Variants in GRM7 observed in about 807,000 individuals in gnomAD.
GRM7 encodes metabotropic glutamate receptor 7.
Under a neutral mutation model 84.5 loss-of-function variants are expected in GRM7, and 35 were observed. The ratio of observed to expected loss-of-function variants is 0.41; its 90% CI spans 0.32 to 0.55. GRM7 has a LOEUF of 0.55. Ranked by LOEUF, GRM7 falls within the 20% of genes least tolerant of loss-of-function variation. The probability of loss-of-function intolerance (pLI) is 0.19; values close to 1 mark genes in which losing one functional copy is unlikely to be tolerated. For missense variants in GRM7, 1,003 were observed against 1,194.6 expected, an observed-to-expected ratio of 0.84 and a Z score of 2.36; for synonymous variants, 487 against 455.1, an observed-to-expected ratio of 1.07 and a Z score of -0.89.
chr3:7,031,665 A>AT (rs918296209), intron 1 of GRM7, among the ~76,000 whole-genome samples: 44 of 151,880 alleles, frequency 2.9e-4, no homozygotes, highest in African/African-American at 7.0e-4. Flanking sequence ...CTCCAGATAC[A>AT]TTTTTTTTAT....
chr3:7,067,498 A>G lies in GRM7; in HGVS notation c.520-78954A>G, dbSNP rs150238246. Among the ~76,000 whole-genome samples, 49 of 152,204 alleles carry G rather than the reference A, an allele frequency of 3.2e-4. No individual in the cohort carries two copies. The East Asian group carries it at 8.9e-3, about 28-fold the overall frequency. ...TTGAAAGACCTCTACAAGGAAAACT[A>G]CAAAGCACTGCTGAAAGAAATCACA... On this transcript the variant is annotated intron_variant, in intron 1 of 9. Coordinates refer to ENST00000357716, the MANE Select transcript of GRM7 (RefSeq NM_000844.4).
chr3:7,129,090 G>A (rs1411432342), intron 1 of GRM7, among the ~76,000 whole-genome samples: 1 of 152,144 alleles, frequency 6.6e-6, no homozygotes, highest in Non-Finnish European at 1.5e-5. Flanking sequence ...TGTTAGGAGT[G>A]CACCAATTTA....
At chr3:7,495,648 A>G (rs1266990054) in intron 7 of GRM7, among the ~76,000 whole-genome samples, 1 of 152,116 alleles carries the variant, frequency 6.6e-6, no homozygotes, top group East Asian at 1.9e-4. Context: ...CTTATTTCTG[A>G]TGTGATTCCC....
Position 7,579,054 on chromosome 3 carries a change from G to T in GRM7, c.2148G>T (p.Gly716=). ...TSSLISVQLL[G]VFIWFGVDPP... ...GTTTAATATCAGTTCAGCTTCTAGGGGTGTTCATTTGGTTTGGTGTTGATC... is the reference window on the plus strand; with the variant it reads ...GTTTAATATCAGTTCAGCTTCTAGGTGTGTTCATTTGGTTTGGTGTTGATC... Residue 716 remains glycine, a synonymous_variant, in exon 8 of 10, where the codon GGG becomes GGT. Coordinates refer to ENST00000357716, the MANE Select transcript of GRM7 (RefSeq NM_000844.4). 2 of 1,613,954 alleles carry T rather than the reference G, an allele frequency of 1.2e-6. No individual in the cohort carries two copies. The highest frequency in any genetic ancestry group is 8.5e-7 in the Non-Finnish European group (1 of 1,180,000).
intron 1 of GRM7, among the ~76,000 whole-genome samples, chr3:7,069,628 C>G (rs1697791215): frequency 6.6e-6 from 1 of 152,020 alleles, no homozygotes; most frequent in Non-Finnish European, 1.5e-5. Flanking sequence ...AGAAAGTGTT[C>G]ATTGGCTTGG....
chr3:6,879,592 A>G (rs1272966776), intron 1 of GRM7, among the ~76,000 whole-genome samples: 1 of 152,158 alleles, frequency 6.6e-6, no homozygotes, highest in Non-Finnish European at 1.5e-5. Flanking sequence ...AAATATTACC[A>G]TTTTTTAAAA....
intron 2 of GRM7, among the ~76,000 whole-genome samples, chr3:7,295,773 C>T (rs1699793016): frequency 6.6e-6 from 1 of 151,848 alleles, no homozygotes; most frequent in Admixed American, 6.6e-5. Flanking sequence ...GAGTTCATAT[C>T]CTGCAACCTT....
At chr3:7,721,641 A>C (rs1701952940) in intron 9 of GRM7, among the ~76,000 whole-genome samples, 1 of 152,332 alleles carries the variant, frequency 6.6e-6, no homozygotes, top group East Asian at 1.9e-4. Flanking sequence ...CAAAATGAAT[A>C]AAATATATAA....
intron 1 of GRM7, among the ~76,000 whole-genome samples, chr3:6,970,041 A>G (rs1359075113): frequency 6.6e-6 from 1 of 152,182 alleles, no homozygotes; most frequent in Non-Finnish European, 1.5e-5. Flanking sequence ...ACACCACCCG[A>G]CTGCCTGCAC....
At chr3:6,877,635 C>A (rs1392328766) in intron 1 of GRM7, among the ~76,000 whole-genome samples, 1 of 152,004 alleles carries the variant, frequency 6.6e-6, no homozygotes, top group Non-Finnish European at 1.5e-5. Context: ...CTTTGATAGG[C>A]CCATGAGGTA....
intron 2 of GRM7, among the ~76,000 whole-genome samples, chr3:7,197,119 T>G (rs543275036): frequency 6.6e-6 from 1 of 152,158 alleles, no homozygotes; most frequent in Non-Finnish European, 1.5e-5. Context: ...TAGGACAAGA[T>G]GATTTTGCTT....
At chr3:7,433,934 C>T (rs1321652940) in intron 5 of GRM7, among the ~76,000 whole-genome samples, 1 of 152,140 alleles carries the variant, frequency 6.6e-6, no homozygotes, top group African/African-American at 2.4e-5. Context: ...AGAAAATGGA[C>T]ATCTTAATAT....
At chr3:7,462,011 A>G (rs1194178365) in intron 7 of GRM7, among the ~76,000 whole-genome samples, 1 of 152,118 alleles carries the variant, frequency 6.6e-6, no homozygotes, top group Non-Finnish European at 1.5e-5. Flanking sequence ...GCAATTTCAC[A>G]AGATCCTTCT....
At chr3:7,733,681 A>T (rs1702403036) in intron 9 of GRM7, among the ~76,000 whole-genome samples, 1 of 152,148 alleles carries the variant, frequency 6.6e-6, no homozygotes, top group African/African-American at 2.4e-5. Context: ...CCTGGTTCAA[A>T]TGCCTCTGAC....
chr3:7,413,382 G>A (rs976174079), intron 4 of GRM7, among the ~76,000 whole-genome samples: 13 of 152,142 alleles, frequency 8.5e-5, no homozygotes, highest in African/African-American at 2.9e-4. Flanking sequence ...ATTGAATAGA[G>A]GCAAACTTCA....
At chr3:7,595,988 C>T (rs1226312537) in intron 8 of GRM7, among the ~76,000 whole-genome samples, 1 of 152,180 alleles carries the variant, frequency 6.6e-6, no homozygotes, top group Non-Finnish European at 1.5e-5. Flanking sequence ...GAAGAACAGA[C>T]TCTAGGGGTG....
At chr3:7,293,034 C>CAAAAAA in intron 2 of GRM7, among the ~76,000 whole-genome samples, 1 of 120,598 alleles carries the variant, frequency 8.3e-6, no homozygotes, top group African/African-American at 3.1e-5. Context: ...GACTTGGTCT[C>CAAAAAA]AAAAAAAAAA....
At chr3:7,294,202 GC>G (rs1421481539) in intron 2 of GRM7, among the ~76,000 whole-genome samples, 1 of 152,110 alleles carries the variant, frequency 6.6e-6, no homozygotes, top group Non-Finnish European at 1.5e-5. Context: ...TTTGCAGACT[GC>G]CCCTCCACTA....
At chr3:7,482,429 G>A (rs1012367657) in intron 7 of GRM7, among the ~76,000 whole-genome samples, 1 of 152,184 alleles carries the variant, frequency 6.6e-6, no homozygotes, top group African/African-American at 2.4e-5. Context: ...AGGTAACCAT[G>A]TCCCATTAAG....
Sources: allele counts gnomAD v4.1 joint callset (sites outside exome capture counted in the v4.1 genomes callset), GRCh38; gene constraint gnomAD v4.1.1; transcripts MANE v1.5; gene names NCBI Gene and HGNC (gene_info 2026-07-23, HGNC 2026-07-21).